NELL1: variants seen among roughly 807,000 people sequenced by gnomAD.
The protein encoded by NELL1 is neural EGFL like 1.
Under a neutral mutation model 107.4 loss-of-function variants are expected in NELL1, and 76 were observed. The ratio of observed to expected loss-of-function variants is 0.71; its 90% CI spans 0.59 to 0.86. The LOEUF (loss-of-function observed/expected upper bound fraction) is 0.86, where lower values mean the gene tolerates loss of function less well. Ranked by LOEUF, NELL1 falls within the 40% of genes least tolerant of loss-of-function variation. The probability of loss-of-function intolerance (pLI) is 0.00; values close to 1 mark genes in which losing one functional copy is unlikely to be tolerated. For missense variants in NELL1, 1,024 were observed against 1,005.5 expected, an observed-to-expected ratio of 1.02 and a Z score of -0.25; for synonymous variants, 353 against 341.2, an observed-to-expected ratio of 1.03 and a Z score of -0.38.
At chr11:21,232,278 C>G (rs138911060) in intron 14 of NELL1, among the ~76,000 whole-genome samples, 1 of 146,706 alleles carries the variant, frequency 6.8e-6, no homozygotes, top group Non-Finnish European at 1.5e-5. Flanking sequence ...TGCAGTGAGC[C>G]GAGATCATGC....
intron 3 of NELL1, among the ~76,000 whole-genome samples, chr11:20,828,714 A>AT (rs537016271): frequency 3.3e-5 from 5 of 152,158 alleles, no homozygotes; most frequent in Admixed American, 6.5e-5. Context: ...ATGCTGTTTT[A>AT]TGCTCATCAT....
At chr11:21,304,809 C>T (rs1366175663) in intron 14 of NELL1, among the ~76,000 whole-genome samples, 2 of 151,694 alleles carry the variant, frequency 1.3e-5, no homozygotes, top group Non-Finnish European at 2.9e-5. Context: ...ACCAGTGCCA[C>T]CAAAATTTCC....
chr11:21,267,860 T>C (rs1848665397), intron 14 of NELL1, among the ~76,000 whole-genome samples: 1 of 152,170 alleles, frequency 6.6e-6, no homozygotes, highest in Non-Finnish European at 1.5e-5. Context: ...TTTTATCTGA[T>C]ATAAATGTAG....
chr11:21,170,517 G>A (rs1311548939), intron 13 of NELL1, among the ~76,000 whole-genome samples: 1 of 151,612 alleles, frequency 6.6e-6, no homozygotes, highest in Non-Finnish European at 1.5e-5. Flanking sequence ...CATGTTTTCT[G>A]TCACATTTAC....
chr11:21,281,530 G>A (rs11026001), intron 14 of NELL1, among the ~76,000 whole-genome samples: 1,924 of 152,260 alleles, frequency 0.013, 18 homozygotes, highest in Non-Finnish European at 0.02. Context: ...ACTATCCACA[G>A]ATTGTAGACC....
At chr11:21,403,216 G>C (rs992226964) in intron 15 of NELL1, among the ~76,000 whole-genome samples, 9 of 151,614 alleles carry the variant, frequency 5.9e-5, no homozygotes, top group Non-Finnish European at 1.3e-4. Flanking sequence ...ATTGAAGGGG[G>C]TTCTTTTCTG....
intron 12 of NELL1, among the ~76,000 whole-genome samples, chr11:21,096,939 A>G (rs562870327): frequency 3.3e-4 from 50 of 151,134 alleles, no homozygotes; most frequent in Non-Finnish European, 5.5e-4. Context: ...CTGGTCTTCA[A>G]CTCCTGGGTT....
In NELL1 at chr11:21,109,477, C is replaced by T. The variant is rs1426405576; in HGVS notation, c.1301-4112C>T. ...TCTGAGATTCAGCTTCAGGCTTAGC[C>T]TCTTCTTGTCTCCTGGCTTCTGGAT... On this transcript the variant is annotated intron_variant, in intron 12 of 19. Coordinates refer to ENST00000357134, the MANE Select transcript of NELL1 (RefSeq NM_006157.5). 2.0e-5 allele frequency among the ~76,000 whole-genome samples: 3 copies of T among 152,078 alleles called. No individual in the cohort carries two copies. In the East Asian group the frequency reaches 5.8e-4, roughly 29 times the overall value.
At position 20,756,535 on chromosome 11, in the gene NELL1, T is replaced by TG. The variant is rs1326771606; in HGVS notation, c.185-27145_185-27144insG. Among the ~76,000 whole-genome samples, 12 of 146,364 alleles carry TG rather than the reference T, an allele frequency of 8.2e-5. No individual in the cohort carries two copies. The South Asian group carries it at 2.4e-3, about 30-fold the overall frequency. ...TTTGTAATTTTTTTTTTTTTTTTTTTTTTTTTTAGTAGAGACAGGGTTTCA... is the reference window on the plus strand; with the variant it reads ...TTTGTAATTTTTTTTTTTTTTTTTTTGTTTTTTTAGTAGAGACAGGGTTTCA... On this transcript the variant is annotated intron_variant, in intron 2 of 19. Transcript: ENST00000357134.
chr11:20,729,988 C>T (rs34803533), intron 2 of NELL1, among the ~76,000 whole-genome samples: 18,239 of 152,064 alleles, frequency 0.12, 1,201 homozygotes, highest in Non-Finnish European at 0.15. Flanking sequence ...GCTGTAGCTT[C>T]GAAATGTAGA....
At chr11:21,413,233 G>A (rs1358356350) in intron 15 of NELL1, among the ~76,000 whole-genome samples, 1 of 152,010 alleles carries the variant, frequency 6.6e-6, no homozygotes, top group East Asian at 1.9e-4. Context: ...TCTGAGGGAT[G>A]ATGGAGATGC....
chr11:21,435,766 T>C, intron 15 of NELL1, among the ~76,000 whole-genome samples: 1 of 151,290 alleles, frequency 6.6e-6, no homozygotes, highest in South Asian at 2.1e-4. Context: ...TCATCAGAAA[T>C]ATTGGTCTGT....
chr11:20,983,367 G>C (rs528894645), intron 12 of NELL1, among the ~76,000 whole-genome samples: 18 of 152,004 alleles, frequency 1.2e-4, no homozygotes, highest in African/African-American at 4.1e-4. Context: ...ATCTATACCA[G>C]TGCCATAACT....
At chr11:20,952,708 G>C (rs1851093186) in intron 11 of NELL1, among the ~76,000 whole-genome samples, 1 of 152,196 alleles carries the variant, frequency 6.6e-6, no homozygotes, top group African/African-American at 2.4e-5. Flanking sequence ...ACAGAGGATA[G>C]TCTTAGTGAG....
chr11:21,166,543 T>C (rs1856488097), intron 13 of NELL1, among the ~76,000 whole-genome samples: 1 of 151,870 alleles, frequency 6.6e-6, no homozygotes, highest in Admixed American at 6.5e-5. Flanking sequence ...TCATTGCTTG[T>C]CTATGCCAAA....
chr11:20,721,883 A>T (rs1855397078), intron 2 of NELL1, among the ~76,000 whole-genome samples: 1 of 152,144 alleles, frequency 6.6e-6, no homozygotes, highest in Admixed American at 6.5e-5. Flanking sequence ...TTAACATGTG[A>T]GGGTTTGAAG....
intron 16 of NELL1, among the ~76,000 whole-genome samples, chr11:21,539,714 T>C (rs1856241338): frequency 6.6e-6 from 1 of 151,160 alleles, no homozygotes; most frequent in Non-Finnish European, 1.5e-5. Flanking sequence ...GGGGTTTCTA[T>C]GGGTACAGGA....
chr11:21,103,186 G>A (rs1247194276), intron 12 of NELL1, among the ~76,000 whole-genome samples: 1 of 152,138 alleles, frequency 6.6e-6, no homozygotes, highest in Non-Finnish European at 1.5e-5. Context: ...ATTCAGTCTG[G>A]TGTTTAATCA....
chr11:21,051,611 C>T (rs1250975062), intron 12 of NELL1, among the ~76,000 whole-genome samples: 1 of 152,140 alleles, frequency 6.6e-6, no homozygotes, highest in African/African-American at 2.4e-5. Flanking sequence ...TTATTAGCAT[C>T]CGTGTAACTA....
Sources: allele counts gnomAD v4.1 joint callset (sites outside exome capture counted in the v4.1 genomes callset), GRCh38; gene constraint gnomAD v4.1.1; transcripts MANE v1.5; gene names NCBI Gene and HGNC (gene_info 2026-07-23, HGNC 2026-07-21).